Variants in CHST11 observed in about 807,000 individuals in gnomAD.
CHST11 encodes the protein carbohydrate sulfotransferase 11.
Under a neutral mutation model 30.4 loss-of-function variants are expected in CHST11, and 9 were observed. That is an observed-to-expected ratio of 0.30 (90% CI 0.18 to 0.52). CHST11 has a LOEUF of 0.52. CHST11 is among the 20% of genes least tolerant of loss of function. The pLI, the probability that CHST11 is intolerant of heterozygous loss-of-function variation, is 0.97. For synonymous variants in CHST11, 152 were observed against 187.8 expected, an observed-to-expected ratio of 0.81 and a Z score of 1.56; for missense variants, 348 against 460.6, an observed-to-expected ratio of 0.76 and a Z score of 2.24.
chr12:104,744,483 A>G lies in CHST11; in HGVS notation c.205-12466A>G, dbSNP rs550792922. 1.6e-3 allele frequency among the ~76,000 whole-genome samples: 249 copies of G among 152,188 alleles called. 1 individual carries two copies. Among genetic ancestry groups the G allele is most frequent in the South Asian group, 2.9e-3 (14 of 4,830 alleles). On this transcript the variant is annotated intron_variant, in intron 2 of 2. Transcript: ENST00000303694. ...TCTTGTAAATTTGTTTAAGTTCCTTATAGATGCTGGATATTAGACCTTTGT... is the reference window on the plus strand; with the variant it reads ...TCTTGTAAATTTGTTTAAGTTCCTTGTAGATGCTGGATATTAGACCTTTGT...
chr12:104,529,197 A>T (rs1320079033), intron 1 of CHST11, among the ~76,000 whole-genome samples: 3 of 152,046 alleles, frequency 2.0e-5, no homozygotes, highest in Non-Finnish European at 2.9e-5. Flanking sequence ...GTGCCTACTT[A>T]CTCTTTGCTG....
intron 2 of CHST11, among the ~76,000 whole-genome samples, chr12:104,709,545 C>T (rs2040067077): frequency 6.6e-6 from 1 of 152,148 alleles, no homozygotes; most frequent in African/African-American, 2.4e-5. Flanking sequence ...TGACTGGGAA[C>T]ATCTTATTTA....
At chr12:104,717,015 G>A (rs2040136764) in intron 2 of CHST11, among the ~76,000 whole-genome samples, 1 of 152,124 alleles carries the variant, frequency 6.6e-6, no homozygotes, top group South Asian at 2.1e-4. Context: ...AGTCCTTCTT[G>A]CATCTTATCA....
intron 1 of CHST11, among the ~76,000 whole-genome samples, chr12:104,590,085 G>A (rs780346924): frequency 1.3e-5 from 2 of 152,130 alleles, no homozygotes; most frequent in African/African-American, 2.4e-5. Context: ...ATTAGGTGCC[G>A]CATGACCCTT....
Position 104,544,112 on chromosome 12 carries a change from A to G in CHST11, c.119-57794A>G, listed in dbSNP as rs373112450. On this transcript the variant is annotated intron_variant, in intron 1 of 2. Coordinates refer to ENST00000303694, the MANE Select transcript of CHST11 (RefSeq NM_018413.6). ...GCACTCCAGCCTGGGCAACAGAGAG[A>G]GACCCTGTCTGTTAAAAAAAAAAAA... is the stretch of plus-strand genomic sequence containing the variant. Among the ~76,000 whole-genome samples the G allele has an allele frequency of 1.6e-4, 23 of 146,546 alleles. No individual in the cohort carries two copies. In the South Asian group the frequency reaches 4.8e-3, roughly 31 times the overall value.
chr12:104,629,371 C>T (rs1036476523), intron 2 of CHST11, among the ~76,000 whole-genome samples: 5 of 152,168 alleles, frequency 3.3e-5, no homozygotes, highest in Non-Finnish European at 7.3e-5. Context: ...AAATTGTTTC[C>T]TTGTAGCCAT....
intron 1 of CHST11, among the ~76,000 whole-genome samples, chr12:104,573,494 G>T (rs377572372): frequency 3.3e-5 from 5 of 151,450 alleles, no homozygotes; most frequent in Admixed American, 3.3e-4. Context: ...ACAGCATGGT[G>T]CTGGTACCAA....
At chr12:104,534,994 A>T (rs2038223367) in intron 1 of CHST11, among the ~76,000 whole-genome samples, 1 of 152,222 alleles carries the variant, frequency 6.6e-6, no homozygotes, top group Non-Finnish European at 1.5e-5. Context: ...GTAAAGCCTG[A>T]CACATTTATA....
chr12:104,567,103 G>A (rs1032714653), intron 1 of CHST11, among the ~76,000 whole-genome samples: 3 of 152,156 alleles, frequency 2.0e-5, no homozygotes, highest in Admixed American at 6.5e-5. Flanking sequence ...TGCAAAACTT[G>A]TTGCTGTCTC....
At chr12:104,585,301 C>T (rs1236488443) in intron 1 of CHST11, among the ~76,000 whole-genome samples, 1 of 152,214 alleles carries the variant, frequency 6.6e-6, no homozygotes, top group Non-Finnish European at 1.5e-5. Flanking sequence ...TCATCAACGC[C>T]TTCTGTCTGT....
At chr12:104,464,974 A>T (rs566716729) in intron 1 of CHST11, among the ~76,000 whole-genome samples, 76 of 152,286 alleles carry the variant, frequency 5.0e-4, no homozygotes, top group Middle Eastern at 3.4e-3. Context: ...TTTAGTGATT[A>T]TGCAATTTGT....
At chr12:104,483,631 A>G (rs2037650331) in intron 1 of CHST11, among the ~76,000 whole-genome samples, 2 of 152,178 alleles carry the variant, frequency 1.3e-5, no homozygotes. Context: ...CAAACTCCCC[A>G]ATGTTACCTG....
intron 1 of CHST11, among the ~76,000 whole-genome samples, chr12:104,589,658 G>C (rs1025536067): frequency 2.6e-5 from 4 of 152,158 alleles, no homozygotes; most frequent in African/African-American, 9.7e-5. Flanking sequence ...ATTATTTCTT[G>C]CCTTGAAGAA....
intron 2 of CHST11, among the ~76,000 whole-genome samples, chr12:104,677,645 C>G (rs1566034357): frequency 2.0e-5 from 3 of 151,976 alleles, no homozygotes; most frequent in African/African-American, 7.2e-5. Flanking sequence ...GGGAATAGAG[C>G]AGAGAGAGAG....
chr12:104,690,131 G>A (rs571012017), intron 2 of CHST11, among the ~76,000 whole-genome samples: 39 of 152,166 alleles, frequency 2.6e-4, no homozygotes, highest in Non-Finnish European at 4.3e-4. Flanking sequence ...AATCAATTGA[G>A]CAGAGAAAGG....
chr12:104,508,853 T>C (rs1565968212), intron 1 of CHST11, among the ~76,000 whole-genome samples: 1 of 152,244 alleles, frequency 6.6e-6, no homozygotes, highest in South Asian at 2.1e-4. Context: ...TGCTTTTCTC[T>C]TCCTTCTATG....
chr12:104,592,540 C>T (rs1051718535), intron 1 of CHST11, among the ~76,000 whole-genome samples: 5 of 152,172 alleles, frequency 3.3e-5, no homozygotes, highest in Non-Finnish European at 7.3e-5. Flanking sequence ...CCAAAGTCCC[C>T]ACCCTCTAAA....
chr12:104,571,671 C>T (rs1478160786), intron 1 of CHST11, among the ~76,000 whole-genome samples: 1 of 152,184 alleles, frequency 6.6e-6, no homozygotes, highest in East Asian at 1.9e-4. Flanking sequence ...TGGCTCCTAA[C>T]CCCTGGACCG....
chr12:104,521,649 C>A (rs893709125), intron 1 of CHST11, among the ~76,000 whole-genome samples: 1 of 152,160 alleles, frequency 6.6e-6, no homozygotes, highest in African/African-American at 2.4e-5. Flanking sequence ...TGGTATCCTG[C>A]TAAGAGAATG....
Sources: allele counts gnomAD v4.1 joint callset (sites outside exome capture counted in the v4.1 genomes callset), GRCh38; gene constraint gnomAD v4.1.1; transcripts MANE v1.5; gene names NCBI Gene and HGNC (gene_info 2026-07-23, HGNC 2026-07-21).